CDH18: variants seen among roughly 807,000 people sequenced by gnomAD.
The protein encoded by CDH18 is cadherin-18.
Under a neutral mutation model 67.9 loss-of-function variants are expected in CDH18, and 31 were observed. The observed-to-expected ratio is 0.46, with a 90% CI of 0.34 to 0.62. The LOEUF (loss-of-function observed/expected upper bound fraction) is 0.62, where lower values mean the gene tolerates loss of function less well. CDH18 is among the 20% of genes least tolerant of loss of function. CDH18 has a pLI of 0.01. For missense variants in CDH18, 890 were observed against 975.5 expected (o/e 0.91, Z 1.17); for synonymous variants, 362 against 347.2 (o/e 1.04, Z -0.48).
intron 1 of CDH18, among the ~76,000 whole-genome samples, chr5:20,502,515 A>C (rs1345443632): frequency 1.3e-5 from 2 of 152,212 alleles, no homozygotes; most frequent in Non-Finnish European, 2.9e-5. Flanking sequence ...GTGGCAAGTA[A>C]TATTTATCTG....
At chr5:19,510,318 A>G (rs1379633770) in intron 10 of CDH18, among the ~76,000 whole-genome samples, 1 of 152,134 alleles carries the variant, frequency 6.6e-6, no homozygotes. Flanking sequence ...TAATCTCACA[A>G]GCAGAGCACA....
chr5:20,298,522 A>G (rs1025746064), intron 1 of CDH18, among the ~76,000 whole-genome samples: 3 of 152,198 alleles, frequency 2.0e-5, no homozygotes, highest in African/African-American at 7.2e-5. Flanking sequence ...TAATATAAAG[A>G]TATTGCATCT....
intron 1 of CDH18, among the ~76,000 whole-genome samples, chr5:20,471,980 A>ATTATCAAGATTT (rs143335601): frequency 3.7e-4 from 57 of 152,016 alleles, no homozygotes; most frequent in South Asian, 8.3e-4. Context: ...GCTCCAAAAT[A>ATTATCAAGATTT]AATTCACTGA....
chr5:19,944,162 A>G (rs1795085915), intron 2 of CDH18, among the ~76,000 whole-genome samples: 1 of 151,994 alleles, frequency 6.6e-6, no homozygotes, highest in African/African-American at 2.4e-5. Flanking sequence ...TTCGTTTCCC[A>G]CTACTCCTCT....
chr5:20,261,290 A>T (rs893601877), intron 1 of CDH18, among the ~76,000 whole-genome samples: 1 of 152,208 alleles, frequency 6.6e-6, no homozygotes, highest in Admixed American at 6.5e-5. Flanking sequence ...ATAAATTTTT[A>T]GAAAAAACAA....
At chr5:20,255,905 T>TTG (rs1238367074) in intron 1 of CDH18, among the ~76,000 whole-genome samples, 1 of 134,170 alleles carries the variant, frequency 7.5e-6, no homozygotes, top group Non-Finnish European at 1.7e-5. Context: ...TATTAAATGT[T>TTG]TATGTTATTT....
chr5:20,094,403 T>C (rs910294145), intron 2 of CDH18, among the ~76,000 whole-genome samples: 5 of 152,228 alleles, frequency 3.3e-5, no homozygotes, highest in African/African-American at 1.2e-4. Flanking sequence ...CTGTGATGCC[T>C]CCAGCTTTGT....
At chr5:19,993,739 G>T (rs73762479) in intron 2 of CDH18, among the ~76,000 whole-genome samples, 1 of 151,676 alleles carries the variant, frequency 6.6e-6, no homozygotes, top group Non-Finnish European at 1.5e-5. Flanking sequence ...TATAGATATC[G>T]ATATATAGAT....
In CDH18 at chr5:19,834,479, C is replaced by A. The variant is rs116405107; in HGVS notation, c.228+4280G>T. ...TAATTTTTTTCAAAAAAAACAGCTC[C>A]TGGATTCACTGATTTTTTGGAGGGT... On this transcript the variant is annotated intron_variant, in intron 3 of 12. Coordinates refer to ENST00000382275, the MANE Select transcript of CDH18 (RefSeq NM_004934.5). Among the ~76,000 whole-genome samples the A allele has an allele frequency of 9.0e-3, 1,363 of 151,744 alleles. 21 individuals carry two copies. The highest frequency in any genetic ancestry group is 0.031 in the African/African-American group (1,289 of 41,402).
chr5:20,454,548 G>A (rs889164395), intron 1 of CDH18, among the ~76,000 whole-genome samples: 3 of 152,082 alleles, frequency 2.0e-5, no homozygotes, highest in Non-Finnish European at 4.4e-5. Flanking sequence ...GGAAAAGAAT[G>A]AGAATAGAGA....
At chr5:19,937,961 CTA>C (rs369843082) in intron 2 of CDH18, among the ~76,000 whole-genome samples, 25 of 144,388 alleles carry the variant, frequency 1.7e-4, no homozygotes, top group East Asian at 4.0e-4. Flanking sequence ...AATATATTTG[CTA>C]TATATATATA....
intron 1 of CDH18, among the ~76,000 whole-genome samples, chr5:20,364,610 T>G (rs1742364470): frequency 6.6e-6 from 1 of 152,226 alleles, no homozygotes; most frequent in African/African-American, 2.4e-5. Context: ...GTAAAGTGAC[T>G]GTGTATAGAC....
intron 3 of CDH18, among the ~76,000 whole-genome samples, chr5:19,810,929 A>T (rs891365867): frequency 2.6e-5 from 4 of 151,788 alleles, no homozygotes; most frequent in Admixed American, 6.6e-5. Context: ...AGGCTGAGGC[A>T]GGAGAATTGC....
intron 3 of CDH18, among the ~76,000 whole-genome samples, chr5:19,750,132 C>G (rs1215565692): frequency 6.6e-6 from 1 of 152,010 alleles, no homozygotes; most frequent in African/African-American, 2.4e-5. Flanking sequence ...TCCCATGTAA[C>G]ACTAACGGGA....
chr5:19,597,248 C>A (rs1180399350), intron 6 of CDH18, among the ~76,000 whole-genome samples: 1 of 152,180 alleles, frequency 6.6e-6, no homozygotes, highest in Admixed American at 6.5e-5. Flanking sequence ...AGACCTCAGC[C>A]CCTGCTGACT....
intron 9 of CDH18, among the ~76,000 whole-genome samples, chr5:19,542,591 T>C (rs1750446649): frequency 6.6e-6 from 1 of 152,158 alleles, no homozygotes; most frequent in Non-Finnish European, 1.5e-5. Flanking sequence ...AAAAATGAAG[T>C]ACCAATGACA....
intron 3 of CDH18, among the ~76,000 whole-genome samples, chr5:19,822,126 A>C (rs1779936580): frequency 6.6e-6 from 1 of 152,202 alleles, no homozygotes; most frequent in Non-Finnish European, 1.5e-5. Flanking sequence ...TATCAAAATT[A>C]AACTTGAATG....
chr5:20,575,367 A>T (rs1581222690), intron 1 of CDH18: 1 of 152,280 alleles, frequency 6.6e-6, no homozygotes, highest in Non-Finnish European at 1.5e-5. Flanking sequence ...TTAATGCATC[A>T]TGGAAAACTC....
chr5:20,024,674 A>G (rs1008321391), intron 2 of CDH18, among the ~76,000 whole-genome samples: 3 of 152,212 alleles, frequency 2.0e-5, no homozygotes, highest in Non-Finnish European at 4.4e-5. Context: ...GGATAATCAG[A>G]TGAATAAAAT....
Sources: allele counts gnomAD v4.1 joint callset (sites outside exome capture counted in the v4.1 genomes callset), GRCh38; gene constraint gnomAD v4.1.1; transcripts MANE v1.5; gene names NCBI Gene and HGNC (gene_info 2026-07-23, HGNC 2026-07-21).